Variants in FLNB observed in about 807,000 individuals in gnomAD.
FLNB encodes filamin-B.
Under a neutral mutation model 250.6 loss-of-function variants are expected in FLNB, and 111 were observed. That is an observed-to-expected ratio of 0.44 (90% CI 0.38 to 0.52). The LOEUF is 0.52. Ranked by LOEUF, FLNB falls within the 20% of genes least tolerant of loss-of-function variation. The probability of loss-of-function intolerance (pLI) is 0.00; values close to 1 mark genes in which losing one functional copy is unlikely to be tolerated. For missense variants in FLNB, 2,869 were observed against 3,447.8 expected, an observed-to-expected ratio of 0.83 and a Z score of 4.20; for synonymous variants, 1,302 against 1,372.1, an observed-to-expected ratio of 0.95 and a Z score of 1.13.
intron 1 of FLNB, among the ~76,000 whole-genome samples, chr3:58,073,022 G>A (rs1287524346): frequency 6.6e-6 from 1 of 152,148 alleles, no homozygotes; most frequent in Non-Finnish European, 1.5e-5. Context: ...ACTTGGGAAA[G>A]TTTGAGTTTT....
rs374514512 is a variant in FLNB at position 58,142,852 on chromosome 3, T to G, written c.5284+100T>G. The G allele has an allele frequency of 1.1e-5, 12 of 1,048,726 alleles. No individual in the cohort carries two copies. Among genetic ancestry groups the G allele is most frequent in the African/African-American group, 7.8e-5 (5 of 64,368 alleles). 65.0% of individuals were successfully genotyped at this position (1,048,726 alleles called of 1,614,324 possible). ...TGTCCACTGTCCCCCAGACCCAGGC[T>G]CCTTAACCCAGGGTCACGAGTTCTT... is the stretch of plus-strand genomic sequence containing the variant. On this transcript the variant is annotated intron_variant, in intron 31 of 45. Coordinates refer to ENST00000295956, the MANE Select transcript of FLNB (RefSeq NM_001457.4). This position sits in a 1 kb window ranked among gnomAD's most constrained non-coding sequence, Gnocchi z 4.3.
intron 3 of FLNB, among the ~76,000 whole-genome samples, chr3:58,080,881 C>T (rs552477728): frequency 2.0e-5 from 3 of 151,732 alleles, no homozygotes; most frequent in African/African-American, 4.8e-5. Flanking sequence ...GAAACCTCCA[C>T]CTGCTGGGTT....
chr3:58,021,435 G>T (rs1273062799), intron 1 of FLNB, among the ~76,000 whole-genome samples: 2 of 152,158 alleles, frequency 1.3e-5, no homozygotes, highest in African/African-American at 4.8e-5. Flanking sequence ...CTGGGATGGG[G>T]GCCCTCGGTG....
intron 1 of FLNB, among the ~76,000 whole-genome samples, chr3:58,042,027 C>T (rs1253493054): frequency 6.6e-6 from 1 of 152,208 alleles, no homozygotes; most frequent in Non-Finnish European, 1.5e-5. Context: ...GTTTGGTGAA[C>T]CACTTCATTT....
At position 58,148,851 on chromosome 3, in the gene FLNB, A is replaced by T; in HGVS notation, c.6090A>T (p.Ala2030=). The T allele has an allele frequency of 6.2e-7, 1 of 1,611,538 alleles. No individual in the cohort carries two copies. Residue 2030 remains alanine (A), a splice_region_variant and synonymous_variant, in exon 36 of 46, where the codon GCA becomes GCT. Transcript: ENST00000295956. ...ACTTCATCGTGGACACAAGGGATGC[A>T]GGTCTGTGTGGTCCCAGGGGAGAGG... ...MSDFIVDTRD[A]GYGGISLAVE...
chr3:58,096,338 G>A, intron 6 of FLNB, 120 bp downstream of exon 6: 1 of 765,818 alleles, frequency 1.3e-6, no homozygotes, highest in Non-Finnish European at 2.3e-6. Flanking sequence ...GATTATAGAA[G>A]GATCTATGCT....
At chr3:58,137,741 T>C (rs1228294733) in intron 28 of FLNB, among the ~76,000 whole-genome samples, 6 of 152,228 alleles carry the variant, frequency 3.9e-5, no homozygotes, top group African/African-American at 1.4e-4. Context: ...CCATGTTTCC[T>C]TTCTTTAGGA....
chr3:58,146,110 A>C, intron 33 of FLNB, 61 bp downstream of exon 33: 1 of 1,596,644 alleles, frequency 6.3e-7, no homozygotes, highest in Non-Finnish European at 8.6e-7. Flanking sequence ...TGAAGTGGAC[A>C]CGGTTCCAGG....
At chr3:58,106,645 AT>A in intron 11 of FLNB, 34 bp from the exon 12 acceptor site, 1 of 1,600,796 alleles carries the variant, frequency 6.2e-7, no homozygotes, top group Non-Finnish European at 8.6e-7. Flanking sequence ...TTTCCACCAT[AT>A]AACCAGGGAG....
intron 1 of FLNB, among the ~76,000 whole-genome samples, chr3:58,036,431 A>G (rs1314832699): frequency 6.6e-6 from 1 of 152,084 alleles, no homozygotes; most frequent in African/African-American, 2.4e-5. Flanking sequence ...GTCAAGTTGG[A>G]GATGGAGTCA....
intron 4 of FLNB, among the ~76,000 whole-genome samples, chr3:58,089,754 G>A (rs549598591): frequency 2.4e-4 from 37 of 152,218 alleles, no homozygotes; most frequent in Admixed American, 3.9e-4. Flanking sequence ...CAGGGTGGAA[G>A]GACAGAGAAA....
intron 1 of FLNB, among the ~76,000 whole-genome samples, chr3:58,018,508 T>C (rs996393208): frequency 2.0e-5 from 3 of 151,042 alleles, no homozygotes; most frequent in Admixed American, 2.0e-4. Context: ...CTAGTTTTGG[T>C]ATTTTTATTT....
intron 1 of FLNB, among the ~76,000 whole-genome samples, chr3:58,061,072 T>C (rs907696717): frequency 1.2e-4 from 19 of 152,116 alleles, no homozygotes; most frequent in African/African-American, 4.6e-4. Flanking sequence ...ATTCCTTTGC[T>C]GATAGGTAAC....
chr3:58,013,846 T>C (rs1429799352), intron 1 of FLNB, among the ~76,000 whole-genome samples: 1 of 152,082 alleles, frequency 6.6e-6, no homozygotes, highest in Non-Finnish European at 1.5e-5. Context: ...CAAAGTAGCA[T>C]GCTTTGTCAG....
At chr3:58,066,368 C>T (rs189613704) in intron 1 of FLNB, among the ~76,000 whole-genome samples, 9 of 151,894 alleles carry the variant, frequency 5.9e-5, no homozygotes, top group South Asian at 2.1e-4. Flanking sequence ...TACAGGCGCC[C>T]GCCACCATGC....
Position 58,136,746 on chromosome 3 carries a change from C to CTTTTTTTTTT in FLNB, c.4861+592_4861+601dup, listed in dbSNP as rs57053256. 4.9e-3 allele frequency among the ~76,000 whole-genome samples: 395 copies of CTTTTTTTTTT among 79,810 alleles called. 43 individuals carry two copies. The highest frequency in any genetic ancestry group is 0.017 in the East Asian group (36 of 2,116). The allele number at this position is 79,810 out of a possible 152,430, so 52.4% of individuals were successfully genotyped here. Reference sequence around the variant, plus strand: ...CAACTATTGACTGTCACAGGCCATTCTTTTTTTTTTTTTTTTTTTTTTTGA... The same window carrying CTTTTTTTTTT: ...CAACTATTGACTGTCACAGGCCATTCTTTTTTTTTTTTTTTTTTTTTTTTTTTTTTTTTGA... On this transcript the variant is annotated intron_variant, in intron 28 of 45. Transcript: ENST00000295956.
Position 58,143,465 on chromosome 3 carries a change from C to G in FLNB, c.5285-8C>G, listed in dbSNP as rs377313135. ...GGCTTCATTGCCCCGTCTCTCTGTG[C>G]TCCATAGGAGAGGTCCACATGCCTT... On this transcript the variant is annotated splice_polypyrimidine_tract_variant and splice_region_variant and intron_variant, in intron 31 of 45. Transcript: ENST00000295956. 1 of 1,614,126 alleles carries G rather than the reference C, an allele frequency of 6.2e-7. No individual in the cohort carries two copies. The highest frequency in any genetic ancestry group is 1.3e-5 in the African/African-American group (1 of 75,052).
rs774898260 is a variant in FLNB, at chr3:58,126,590, C to G, written c.4062-12C>G. 1 of 1,613,402 alleles carries G rather than the reference C, an allele frequency of 6.2e-7. No homozygotes were observed. On this transcript the variant is annotated splice_polypyrimidine_tract_variant and intron_variant, in intron 23 of 45. Transcript: ENST00000295956. ...ATGGTGCACATTTCACTTTCTTTTC[C>G]ACTCTTTCCAGAGGCGCAGGAATTG...
intron 13 of FLNB, 67 bp from the exon 14 acceptor site, chr3:58,109,112 A>C (rs2097264354): frequency 1.2e-6 from 2 of 1,605,992 alleles, no homozygotes; most frequent in Non-Finnish European, 1.7e-6. Flanking sequence ...TTGGGAGGCC[A>C]CAGTGACCCT....
Sources: gnomAD v4.1 joint callset for allele counts (sites outside exome capture counted in the v4.1 genomes callset) on GRCh38, gnomAD v4.1.1 for gene constraint, Gnocchi (gnomAD v3.1) non-coding constraint, MANE v1.5 for transcripts, NCBI Gene and HGNC (gene_info 2026-07-23, HGNC 2026-07-21) for gene names.